DLC1: variants seen among roughly 807,000 people sequenced by gnomAD.
The protein encoded by DLC1 is rho GTPase-activating protein 7.
Under a neutral mutation model 140.3 loss-of-function variants are expected in DLC1, and 54 were observed. The observed-to-expected ratio is 0.38, with a 90% CI of 0.31 to 0.48. DLC1 has a LOEUF of 0.48. Ranked by LOEUF, DLC1 falls within the 20% of genes least tolerant of loss-of-function variation. The pLI is 0.96. For synonymous variants in DLC1, 986 were observed against 728.1 expected (o/e 1.35, Z -5.70); for missense variants, 2,536 against 1,907.0 (o/e 1.33, Z -6.14).
At chr8:13,417,962 C>T (rs1448863178) in intron 2 of DLC1, among the ~76,000 whole-genome samples, 1 of 152,130 alleles carries the variant, frequency 6.6e-6, no homozygotes, top group African/African-American at 2.4e-5. Context: ...CTCTGATGGC[C>T]AGTGATGATG....
chr8:13,582,973 T>C (rs1042664006), intron 1 of DLC1, among the ~76,000 whole-genome samples: 3 of 148,780 alleles, frequency 2.0e-5, no homozygotes, highest in Non-Finnish European at 4.5e-5. Context: ...AAAAATACTT[T>C]ATTGCTGAAA....
intron 2 of DLC1, among the ~76,000 whole-genome samples, chr8:13,431,797 A>G (rs1838891248): frequency 6.6e-6 from 1 of 152,108 alleles, no homozygotes; most frequent in Non-Finnish European, 1.5e-5. Flanking sequence ...TGGGGTGGCA[A>G]GTGGAGGATA....
chr8:13,529,360 G>T lies in DLC1; in HGVS notation c.-125-29164C>A, dbSNP rs187140720. On this transcript the variant is annotated intron_variant, in intron 1 of 1. Transcript: ENST00000631382. ...TGCATTATACCCTACAATAATTTGA[G>T]ATTGTTTTATTTTCCATTTTAAGTA... 8.3e-4 allele frequency among the ~76,000 whole-genome samples: 127 copies of T among 152,226 alleles called. 1 individual carries two copies. The highest frequency in any genetic ancestry group is 1.5e-3 in the Non-Finnish European group (105 of 68,002).
chr8:13,152,374 A>G (rs1161986964), intron 5 of DLC1, among the ~76,000 whole-genome samples: 1 of 152,214 alleles, frequency 6.6e-6, no homozygotes, highest in African/African-American at 2.4e-5. Context: ...CTGAGTTTAT[A>G]TAACCCAAAA....
chr8:13,167,837 G>C (rs1339045437), intron 5 of DLC1, among the ~76,000 whole-genome samples: 1 of 152,126 alleles, frequency 6.6e-6, no homozygotes, highest in Non-Finnish European at 1.5e-5. Context: ...ACTCACATTT[G>C]TTATTTTATT....
rs753497954 is a variant in DLC1 at position 13,086,274 on chromosome 8, C to A, written c.4466+16G>T. On this transcript the variant is annotated intron_variant, in intron 17 of 17. Coordinates refer to ENST00000276297, the MANE Select transcript of DLC1 (RefSeq NM_182643.3). ...CATGACCCTCACCATATAAAAAAAT[C>A]AGAATCAGAACATACCTTAAGTCAA... 3 of 1,603,320 alleles carry A rather than the reference C, an allele frequency of 1.9e-6. No homozygotes were observed. In the South Asian group the frequency reaches 3.3e-5, roughly 18 times the overall value.
chr8:13,536,769 T>A (rs1803300113), intron 1 of DLC1, among the ~76,000 whole-genome samples: 1 of 152,176 alleles, frequency 6.6e-6, no homozygotes, highest in African/African-American at 2.4e-5. Context: ...ATATTGCGTA[T>A]CCACATGACA....
intron 5 of DLC1, among the ~76,000 whole-genome samples, chr8:13,228,255 A>G (rs1381024282): frequency 1.3e-5 from 2 of 151,884 alleles, no homozygotes; most frequent in African/African-American, 4.8e-5. Context: ...TATTTCCTCT[A>G]TTGTGACTCA....
chr8:13,162,959 A>G (rs1382737555), intron 5 of DLC1, among the ~76,000 whole-genome samples: 3 of 152,182 alleles, frequency 2.0e-5, no homozygotes, highest in African/African-American at 4.8e-5. Flanking sequence ...GGATTCTTAC[A>G]TACTTATCAA....
At chr8:13,456,722 G>C (rs1799407454) in intron 2 of DLC1, among the ~76,000 whole-genome samples, 1 of 152,180 alleles carries the variant, frequency 6.6e-6, no homozygotes, top group Non-Finnish European at 1.5e-5. Context: ...GCTTCCCAAA[G>C]TGCTGGGATT....
At chr8:13,576,980 C>G (rs548439531) in intron 1 of DLC1, among the ~76,000 whole-genome samples, 19 of 152,240 alleles carry the variant, frequency 1.2e-4, no homozygotes, top group Non-Finnish European at 2.2e-4. Context: ...AGTAATATCT[C>G]TGACTGTGAA....
chr8:13,105,592 CTT>C (rs1270510962), intron 7 of DLC1, among the ~76,000 whole-genome samples: 48 of 140,876 alleles, frequency 3.4e-4, no homozygotes, highest in Admixed American at 4.3e-4. Context: ...TCTTTTTCTT[CTT>C]TTTTTTTTTT....
intron 3 of DLC1, among the ~76,000 whole-genome samples, chr8:13,395,687 T>C (rs73205770): frequency 1.1e-4 from 16 of 152,282 alleles, no homozygotes; most frequent in Non-Finnish European, 2.1e-4. Context: ...TTTTCTCCAG[T>C]TGGAAGGGTA....
intron 1 of DLC1, among the ~76,000 whole-genome samples, chr8:13,580,861 A>C (rs752025810): frequency 5.3e-5 from 8 of 152,210 alleles, no homozygotes; most frequent in Non-Finnish European, 1.0e-4. Flanking sequence ...GCCTCTAAAA[A>C]TGGCAAGAGA....
chr8:13,284,579 A>G (rs1831476610), intron 5 of DLC1, among the ~76,000 whole-genome samples: 1 of 152,052 alleles, frequency 6.6e-6, no homozygotes, highest in African/African-American at 2.4e-5. Context: ...AAGCCCTGAA[A>G]TTAAAAACCA....
chr8:13,594,755 T>C (rs12677217), intron 1 of DLC1, among the ~76,000 whole-genome samples: 35,279 of 151,716 alleles, frequency 0.23, 4,308 homozygotes, highest in Non-Finnish European at 0.26. Context: ...ACACCTTTAA[T>C]ACCCATATTT....
At position 13,092,544 on chromosome 8, in the gene DLC1, G is replaced by A; in HGVS notation, c.3740+68C>T. 2.0e-6 allele frequency: 3 copies of A among 1,533,054 alleles called. No homozygotes were observed. The East Asian group carries it at 7.1e-5, about 36-fold the overall frequency. The allele number at this position is 1,533,054 out of a possible 1,614,324, so 95.0% of individuals were successfully genotyped here. A position where few individuals can be genotyped will look rare whatever the true frequency, so the allele number is the denominator to read the frequency against. On this transcript the variant is annotated intron_variant, in intron 13 of 17. Transcript: ENST00000276297. ...CAGGAAAGAGTCCCACAAAACCACAGCTACGGAGAGTCCTAGGAAGAATGT... is the reference window on the plus strand; with the variant it reads ...CAGGAAAGAGTCCCACAAAACCACAACTACGGAGAGTCCTAGGAAGAATGT...
chr8:13,511,936 A>G (rs545903168), intron 1 of DLC1, among the ~76,000 whole-genome samples: 1 of 152,170 alleles, frequency 6.6e-6, no homozygotes, highest in South Asian at 2.1e-4. Flanking sequence ...CTAAAACTCT[A>G]TGAATAAGAT....
chr8:13,419,329 C>G (rs527632927), intron 2 of DLC1, among the ~76,000 whole-genome samples: 1 of 152,110 alleles, frequency 6.6e-6, no homozygotes, highest in South Asian at 2.1e-4. Flanking sequence ...TTTGCCCATT[C>G]AGTATGATAT....
Sources: gnomAD v4.1 joint callset for allele counts (sites outside exome capture counted in the v4.1 genomes callset) on GRCh38, gnomAD v4.1.1 for gene constraint, MANE v1.5 for transcripts, NCBI Gene and HGNC (gene_info 2026-07-23, HGNC 2026-07-21) for gene names.